LPCAT2: variants seen among roughly 807,000 people sequenced by gnomAD.
LPCAT2 encodes the protein 1-AGP acyltransferase 11.
Under a neutral mutation model 64.7 loss-of-function variants are expected in LPCAT2, and 58 were observed. The ratio of observed to expected loss-of-function variants is 0.90; its 90% confidence interval spans 0.73 to 1.12. The LOEUF is 1.12. Ranked by LOEUF, LPCAT2 falls within the 50% of genes most tolerant of loss-of-function variation. LPCAT2 has a pLI of 0.00. For missense variants in LPCAT2, 579 were observed against 669.8 expected, an observed-to-expected ratio of 0.86 and a Z score of 1.50; for synonymous variants, 252 against 245.3, an observed-to-expected ratio of 1.03 and a Z score of -0.26.
At chr16:55,533,406 G>GGTTTTT (rs1183017645) in intron 6 of LPCAT2, among the ~76,000 whole-genome samples, 9 of 96,452 alleles carry the variant, frequency 9.3e-5, no homozygotes, top group African/African-American at 3.7e-4. Flanking sequence ...TGTTTTTCGG[G>GGTTTTT]TTTTTTTTTT....
chr16:55,559,214 A>T (rs1245421732), intron 11 of LPCAT2, among the ~76,000 whole-genome samples: 1 of 152,194 alleles, frequency 6.6e-6, no homozygotes, highest in South Asian at 2.1e-4. Flanking sequence ...TCTGTAAGAA[A>T]TTTAACAATG....
intron 13 of LPCAT2, among the ~76,000 whole-genome samples, chr16:55,580,041 G>C (rs944787712): frequency 8.5e-5 from 13 of 152,168 alleles, no homozygotes; most frequent in African/African-American, 2.9e-4. Flanking sequence ...GTTTGATGTG[G>C]TCATGGATGT....
chr16:55,575,255 A>G (rs1286881767), intron 12 of LPCAT2, among the ~76,000 whole-genome samples: 1 of 152,150 alleles, frequency 6.6e-6, no homozygotes, highest in Non-Finnish European at 1.5e-5. Flanking sequence ...TTTCACAGCA[A>G]TACAGGGATC....
intron 11 of LPCAT2, chr16:55,566,936 G>A (rs745662780): frequency 7.4e-6 from 12 of 1,613,728 alleles, no homozygotes; most frequent in South Asian, 4.4e-5. Flanking sequence ...CTCCAGAACC[G>A]CCTCCCACTC....
rs1963156992 is a variant in LPCAT2 at position 55,525,514 on chromosome 16, C to T, written c.178C>T (p.Leu60Phe). The part of the protein sequence containing the change: ...IGSARRVQIV[L>F]LGIILLPIRV... ...TACCAACTTTGACTTTCAGATTGTC[C>T]TTCTTGGGATTATCTTGCTTCCAAT... The change falls in exon 2 of 14, where the codon CTT (leucine) becomes TTT (phenylalanine). Residue 60 changes from leucine to phenylalanine, a missense_variant. Leu to Phe is a conservative substitution (Grantham distance 22). Coordinates refer to ENST00000262134, the MANE Select transcript of LPCAT2 (RefSeq NM_017839.5). The T allele has an allele frequency of 2.5e-6, 4 of 1,601,850 alleles. No homozygotes were observed. Among genetic ancestry groups the T allele is most frequent in the Non-Finnish European group, 3.4e-6 (4 of 1,175,192 alleles).
At chr16:55,578,990 T>C (rs541636545) in intron 12 of LPCAT2, 119 bp from the exon 13 acceptor site, 56 of 871,754 alleles carry the variant, frequency 6.4e-5, no homozygotes, top group Non-Finnish European at 9.5e-5. Context: ...TTTCTTAATA[T>C]ACATATTTCT....
intron 13 of LPCAT2, among the ~76,000 whole-genome samples, chr16:55,582,107 T>A (rs1567409019): frequency 6.6e-6 from 1 of 152,168 alleles, no homozygotes; most frequent in African/African-American, 2.4e-5. Flanking sequence ...TTTAAATTGC[T>A]AGAAAGAACA....
intron 3 of LPCAT2, among the ~76,000 whole-genome samples, chr16:55,528,997 T>C (rs1963214688): frequency 6.6e-6 from 1 of 152,212 alleles, no homozygotes; most frequent in Admixed American, 6.5e-5. Context: ...CAGTAAGTGA[T>C]TTCTCCTTAC....
At chr16:55,574,372 C>T (rs1440381575) in intron 11 of LPCAT2, among the ~76,000 whole-genome samples, 1 of 152,148 alleles carries the variant, frequency 6.6e-6, no homozygotes, top group Admixed American at 6.5e-5. Flanking sequence ...GCTCAAGAAC[C>T]CACACTGGGT....
chr16:55,568,904 C>T (rs1194185303), intron 11 of LPCAT2, among the ~76,000 whole-genome samples: 2 of 152,078 alleles, frequency 1.3e-5, no homozygotes, highest in Admixed American at 6.6e-5. Flanking sequence ...TCCAGGATTC[C>T]GGTGCCAGTA....
At position 55,542,141 on chromosome 16, in the gene LPCAT2, C is replaced by CT. The variant is rs142110848; in HGVS notation, c.853-3591dup. On this transcript the variant is annotated intron_variant, in intron 8 of 13. Coordinates refer to ENST00000262134, the MANE Select transcript of LPCAT2 (RefSeq NM_017839.5). ...ACTGAGAATCTATGTAAGTGACTGG[C>CT]TTTGGTTGATGGATGTCTTAAATAG... 3,684 of 327,014 alleles carry CT rather than the reference C, an allele frequency of 0.011. 201 individuals carry two copies. In the East Asian group the frequency reaches 0.17, roughly 15 times the overall value. 20.3% of individuals were successfully genotyped at this position (327,014 alleles called of 1,614,324 possible).
intron 13 of LPCAT2, among the ~76,000 whole-genome samples, chr16:55,580,999 G>A (rs558014566): frequency 6.6e-6 from 1 of 152,110 alleles, no homozygotes; most frequent in Non-Finnish European, 1.5e-5. Context: ...CCAGTCCCTG[G>A]TGCCAAAATG....
intron 1 of LPCAT2, among the ~76,000 whole-genome samples, chr16:55,512,781 G>T (rs1173631015): frequency 6.6e-6 from 1 of 152,182 alleles, no homozygotes. Context: ...CACCAATTAA[G>T]GGGGCCTTGG....
chr16:55,512,408 C>T (rs1398142993), intron 1 of LPCAT2, among the ~76,000 whole-genome samples: 1 of 152,176 alleles, frequency 6.6e-6, no homozygotes, highest in Non-Finnish European at 1.5e-5. Flanking sequence ...TGAAATAATA[C>T]TTCTATACTG....
chr16:55,578,478 A>G (rs1416478990), intron 12 of LPCAT2, among the ~76,000 whole-genome samples: 1 of 152,172 alleles, frequency 6.6e-6, no homozygotes, highest in Non-Finnish European at 1.5e-5. Context: ...CCTTATTGAT[A>G]TGCAAGTCTT....
chr16:55,549,339 G>A lies in LPCAT2; in HGVS notation c.998G>A (p.Gly333Glu), dbSNP rs963789908. Residue 333 changes from glycine (G) to glutamate (E), a missense_variant, in exon 10 of 14, where the codon GGA (glycine) becomes GAA (glutamate). Physicochemically the swap from Gly to Glu is moderately conservative, Grantham distance 98. Transcript: ENST00000262134. Reference sequence around the variant, plus strand: ...GACTGCAGATTGATGATTTCAGCAGGACAGCTAACATTGCCTATGGAAGCT... The same window carrying A: ...GACTGCAGATTGATGATTTCAGCAGAACAGCTAACATTGCCTATGGAAGCT... ...YEDCRLMISAGQLTLPMEAGL... is the reference protein window; with the variant it reads ...YEDCRLMISAEQLTLPMEAGL... The A allele has an allele frequency of 6.2e-7, 1 of 1,604,674 alleles. No homozygotes were observed. The highest frequency in any genetic ancestry group is 1.3e-5 in the African/African-American group (1 of 74,182).
chr16:55,553,862 T>C (rs1567401549), intron 11 of LPCAT2, among the ~76,000 whole-genome samples: 1 of 152,212 alleles, frequency 6.6e-6, no homozygotes, highest in Non-Finnish European at 1.5e-5. Context: ...CCTTGATCTA[T>C]GGGTGGCAGA....
At chr16:55,550,434 G>A (rs1226625232) in intron 10 of LPCAT2, among the ~76,000 whole-genome samples, 1 of 152,118 alleles carries the variant, frequency 6.6e-6, no homozygotes, top group Non-Finnish European at 1.5e-5. Context: ...AGCAAGAATT[G>A]TTATTTCATC....
chr16:55,536,394 A>G (rs1174476852), intron 7 of LPCAT2, among the ~76,000 whole-genome samples: 8 of 152,212 alleles, frequency 5.3e-5, no homozygotes, highest in Non-Finnish European at 1.0e-4. Flanking sequence ...GAATGCATCT[A>G]TTCAAGTAAT....
Sources: gnomAD v4.1 joint callset for allele counts (sites outside exome capture counted in the v4.1 genomes callset) on GRCh38, gnomAD v4.1.1 for gene constraint, MANE v1.5 for transcripts, NCBI Gene and HGNC (gene_info 2026-07-23, HGNC 2026-07-21) for gene names.